WDFY1: variants seen among roughly 807,000 people sequenced by gnomAD.
WDFY1 encodes WD repeat and FYVE domain-containing protein 1.
A neutral mutation model predicts 56.4 loss-of-function variants in WDFY1; 32 were observed. That is an observed-to-expected ratio of 0.57 (90% CI 0.43 to 0.76). The LOEUF (loss-of-function observed/expected upper bound fraction) is 0.76. Ranked by LOEUF, WDFY1 falls within the 30% of genes least tolerant of loss-of-function variation. The pLI is 0.00. For missense variants in WDFY1, 480 were observed against 545.7 expected, an observed-to-expected ratio of 0.88 and a Z score of 1.20; for synonymous variants, 192 against 197.3, an observed-to-expected ratio of 0.97 and a Z score of 0.23.
chr2:223,933,414 T>G, intron 1 of WDFY1, among the ~76,000 whole-genome samples: 1 of 152,146 alleles, frequency 6.6e-6, no homozygotes, highest in African/African-American at 2.4e-5. Flanking sequence ...ATAAAAATAA[T>G]TTTTTGTGAT....
rs759857204 is a variant in WDFY1 at position 223,894,203 on chromosome 2, C to T, written c.831+31G>A. 39 of 1,611,868 alleles carry T rather than the reference C, an allele frequency of 2.4e-5. No homozygotes were observed. In the Admixed American group the frequency reaches 4.5e-4, roughly 19 times the overall value. The stretch of plus-strand genomic sequence containing the variant: ...AAGCCAGGTTCCTGGGGGTCTCCCC[C>T]GATCAGCCTGGACTTGCCCTTGTCT... On this transcript the variant is annotated intron_variant, in intron 8 of 11. Transcript: ENST00000233055.
At chr2:223,925,215 TAAAAA>T (rs35020883) in intron 1 of WDFY1, among the ~76,000 whole-genome samples, 2 of 139,690 alleles carry the variant, frequency 1.4e-5, no homozygotes, top group African/African-American at 2.7e-5. Context: ...TTTTTGTTCC[TAAAAA>T]AAAAAAAAAA....
intron 8 of WDFY1, among the ~76,000 whole-genome samples, chr2:223,892,759 C>G (rs946875582): frequency 6.6e-6 from 1 of 152,198 alleles, no homozygotes; most frequent in African/African-American, 2.4e-5. Context: ...GCACAGCACA[C>G]TGAACAACAT....
chr2:223,905,763 A>G (rs1693588751), intron 4 of WDFY1, among the ~76,000 whole-genome samples, 184 bp downstream of exon 4: 1 of 152,236 alleles, frequency 6.6e-6, no homozygotes, highest in African/African-American at 2.4e-5. Context: ...CTGATATACA[A>G]AATTTTAAAT....
At chr2:223,896,178 A>AAAAAAAAAC (rs1559165610) in intron 6 of WDFY1, among the ~76,000 whole-genome samples, 22 of 148,120 alleles carry the variant, frequency 1.5e-4, no homozygotes, top group African/African-American at 5.3e-4. Flanking sequence ...AAAAAAAAAA[A>AAAAAAAAAC]AAAAACTGCT....
At chr2:223,891,283 T>C (rs1574760617) in intron 8 of WDFY1, among the ~76,000 whole-genome samples, 1 of 146,756 alleles carries the variant, frequency 6.8e-6, no homozygotes, top group African/African-American at 2.5e-5. Flanking sequence ...CCTGGGAGGC[T>C]GAGGTGGGAG....
chr2:223,901,813 A>G (rs1693511885), intron 4 of WDFY1, among the ~76,000 whole-genome samples: 1 of 152,246 alleles, frequency 6.6e-6, no homozygotes, highest in Non-Finnish European at 1.5e-5. Flanking sequence ...GTTTTCTAAA[A>G]TTAAAAAATG....
intron 1 of WDFY1, among the ~76,000 whole-genome samples, chr2:223,939,065 G>A (rs918369457): frequency 1.3e-5 from 2 of 152,188 alleles, no homozygotes; most frequent in East Asian, 3.9e-4. Flanking sequence ...ACATAGGCAA[G>A]CACAGTGACA....
At chr2:223,914,034 T>TC (rs1693748256) in intron 2 of WDFY1, among the ~76,000 whole-genome samples, 1 of 145,134 alleles carries the variant, frequency 6.9e-6, no homozygotes, top group Non-Finnish European at 1.5e-5. Context: ...TGTCTTGCTG[T>TC]CACCCAGGCT....
rs563769688 is a variant in WDFY1, at chr2:223,903,573, A to G, written c.335-2240T>C. On this transcript the variant is annotated intron_variant, in intron 4 of 11. Transcript: ENST00000233055. ...ACCTTTGACAACCAAAATATAGATA[A>G]TAACATGAGATGTGAATATGAAATA... is the stretch of plus-strand genomic sequence containing the variant. 2.6e-5 allele frequency among the ~76,000 whole-genome samples: 4 copies of G among 151,820 alleles called. No individual in the cohort carries two copies. In the South Asian group the frequency reaches 6.2e-4, roughly 24 times the overall value.
intron 1 of WDFY1, among the ~76,000 whole-genome samples, chr2:223,929,771 G>C (rs1387289544): frequency 6.6e-6 from 1 of 152,218 alleles, no homozygotes; most frequent in Non-Finnish European, 1.5e-5. Context: ...CAGAAGCAAG[G>C]AGAGATACGA....
chr2:223,937,427 T>C (rs1490554565), intron 1 of WDFY1, among the ~76,000 whole-genome samples: 1 of 152,098 alleles, frequency 6.6e-6, no homozygotes, highest in Non-Finnish European at 1.5e-5. Context: ...AAATGGAAAA[T>C]AAATGGGAAT....
At chr2:223,888,319 C>G (rs1289626638) in intron 8 of WDFY1, among the ~76,000 whole-genome samples, 2 of 152,120 alleles carry the variant, frequency 1.3e-5, no homozygotes, top group East Asian at 3.9e-4. Context: ...CTGCCTGCCT[C>G]AGCTTCCCAA....
Position 223,878,356 on chromosome 2 carries a change from G to A in WDFY1, c.*315C>T, listed in dbSNP as rs1693006473. The A allele has an allele frequency of 4.5e-6, 1 of 224,216 alleles. No individual in the cohort carries two copies. The highest frequency in any genetic ancestry group is 8.8e-6 in the Non-Finnish European group (1 of 113,468). The allele number at this position is 224,216 out of a possible 1,614,324, so 13.9% of individuals were successfully genotyped here. A position where few individuals can be genotyped will look rare whatever the true frequency, so the allele number is the denominator to read the frequency against. On this transcript the variant is annotated 3_prime_UTR_variant, in exon 12 of 12. Transcript: ENST00000233055. ...GAAGGTTCTAAGCATTCACTTTTTT[G>A]TTTGATTTTTTGTCCCCGCTAAAAC...
In WDFY1 at chr2:223,945,271, A is replaced by G. The variant is rs1689393145; in HGVS notation, c.14T>C (p.Ile5Thr). The change falls in exon 1 of 12, where the codon ATC (isoleucine) becomes ACC (threonine). Residue 5 changes from isoleucine to threonine, a missense_variant. Ile to Thr is a moderately conservative substitution (Grantham distance 89). Transcript: ENST00000233055. MAAE[I>T]HSRPQSSRPV... ...GCGGCTGCTCTGCGGCCTGGAGTGG[A>G]TTTCGGCCGCCATGTTCGCGCGGCG... 6.3e-7 allele frequency: 1 copy of G among 1,576,134 alleles called. No individual in the cohort carries two copies. Among genetic ancestry groups the G allele is most frequent in the Admixed American group, 1.7e-5 (1 of 57,420 alleles).
chr2:223,878,745 G>T lies in WDFY1; in HGVS notation c.1174-15C>A, dbSNP rs773379011. 1.3e-6 allele frequency: 2 copies of T among 1,595,492 alleles called. No homozygotes were observed. The highest frequency in any genetic ancestry group is 1.7e-6 in the Non-Finnish European group (2 of 1,169,444). On this transcript the variant is annotated splice_polypyrimidine_tract_variant and intron_variant, in intron 11 of 11. Coordinates refer to ENST00000233055, the MANE Select transcript of WDFY1 (RefSeq NM_020830.5). The stretch of plus-strand genomic sequence containing the variant: ...ATGTCCCAGATCTACAAGGAAGGAA[G>T]AAACGCAGAAAAGGCAGCAGTGATA...
At chr2:223,938,933 C>A (rs1042451849) in intron 1 of WDFY1, among the ~76,000 whole-genome samples, 4 of 151,392 alleles carry the variant, frequency 2.6e-5, no homozygotes, top group Non-Finnish European at 5.9e-5. Flanking sequence ...CAGCTCACCT[C>A]AACCTCCGCC....
rs1283493612 is a variant in WDFY1 at position 223,878,452 on chromosome 2, C to T, written c.*219G>A. 1.3e-5 allele frequency: 6 copies of T among 445,086 alleles called. No individual in the cohort carries two copies. The highest frequency in any genetic ancestry group is 1.0e-4 in the African/African-American group (5 of 49,256). 27.6% of individuals were successfully genotyped at this position (445,086 alleles called of 1,614,324 possible). On this transcript the variant is annotated 3_prime_UTR_variant, in exon 12 of 12. Transcript: ENST00000233055. ...GAAGTTTTGCTGAAGTAATTCCAGT[C>T]TTCAGGGAACCACTATGGACAGACC... is the stretch of plus-strand genomic sequence containing the variant.
intron 1 of WDFY1, among the ~76,000 whole-genome samples, chr2:223,918,579 C>T (rs1336915599): frequency 2.6e-5 from 4 of 151,346 alleles, no homozygotes; most frequent in Non-Finnish European, 4.4e-5. Context: ...TACAGTGAGC[C>T]GAGATTGCGC....
Sources: allele counts gnomAD v4.1 joint callset (sites outside exome capture counted in the v4.1 genomes callset), GRCh38; gene constraint gnomAD v4.1.1; transcripts MANE v1.5; gene names NCBI Gene and HGNC (gene_info 2026-07-23, HGNC 2026-07-21).